Variants in UGGT1 observed in about 807,000 individuals in gnomAD.
UGGT1 encodes the protein UDP-glucose glycoprotein glucosyltransferase 1.
UGGT1 carries 107 observed loss-of-function variants against 203.9 expected under a neutral mutation model. The ratio of observed to expected loss-of-function variants is 0.52; its 90% confidence interval spans 0.45 to 0.62. The LOEUF (loss-of-function observed/expected upper bound fraction) is 0.62, where lower values mean the gene tolerates loss of function less well. Ranked by LOEUF, UGGT1 falls within the 20% of genes least tolerant of loss-of-function variation. The pLI, the probability that UGGT1 is intolerant of heterozygous loss-of-function variation, is 0.00. For missense variants in UGGT1, 1,673 were observed against 1,867.2 expected, an observed-to-expected ratio of 0.90 and a Z score of 1.92; for synonymous variants, 628 against 653.5, an observed-to-expected ratio of 0.96 and a Z score of 0.59.
At chr2:128,112,227 C>A (rs911469783) in intron 5 of UGGT1, among the ~76,000 whole-genome samples, 1 of 151,150 alleles carries the variant, frequency 6.6e-6, no homozygotes, top group African/African-American at 2.4e-5. Context: ...TTGAGACCAG[C>A]CTGGCCAACA....
chr2:128,115,938 C>G (rs1256431546), intron 7 of UGGT1, among the ~76,000 whole-genome samples: 1 of 152,028 alleles, frequency 6.6e-6, no homozygotes, highest in Non-Finnish European at 1.5e-5. Context: ...ATTCTTTGTT[C>G]ATAGTGTTTG....
At chr2:128,094,254 T>TA (rs1177098576) in intron 1 of UGGT1, among the ~76,000 whole-genome samples, 16 of 148,358 alleles carry the variant, frequency 1.1e-4, no homozygotes, top group Non-Finnish European at 1.3e-4. Flanking sequence ...CAGGCCAGAT[T>TA]AAAAAAAAAA....
In UGGT1 at chr2:128,114,056, A is replaced by G. The variant is rs184209376; in HGVS notation, c.696+798A>G. ...TATATGTAAAGGTTGTTAGCCCTTT[A>G]AAGTTTCTATGTCATAATAAGCTCA... On this transcript the variant is annotated intron_variant, in intron 6 of 40. Coordinates refer to ENST00000259253, the MANE Select transcript of UGGT1 (RefSeq NM_020120.4). 1.3e-3 allele frequency among the ~76,000 whole-genome samples: 191 copies of G among 152,288 alleles called. 6 individuals carry two copies. The highest frequency in any genetic ancestry group is 0.011 in the Admixed American group (174 of 15,286).
intron 1 of UGGT1, among the ~76,000 whole-genome samples, chr2:128,094,247 G>A (rs1234270208): frequency 6.6e-6 from 1 of 151,700 alleles, no homozygotes; most frequent in East Asian, 1.9e-4. Flanking sequence ...ATTGACTCAG[G>A]CCAGATTAAA....
At chr2:128,138,996 G>A (rs1263336909) in intron 16 of UGGT1, 144 bp downstream of exon 16, 2 of 1,055,170 alleles carry the variant, frequency 1.9e-6, no homozygotes, top group African/African-American at 1.6e-5. Context: ...CTGCTGCAGT[G>A]TATAGAGATG....
At position 128,120,461 on chromosome 2, in the gene UGGT1, T is replaced by A; in HGVS notation, c.973+5T>A. On this transcript the variant is annotated splice_donor_5th_base_variant and intron_variant, in intron 9 of 40. Transcript: ENST00000259253. Reference sequence around the variant, plus strand: ...TAAAGGTTTGGCAGTTGCAAGGTAATGAAAACAGGGAGAGGTCATTGGCCT... The same window carrying A: ...TAAAGGTTTGGCAGTTGCAAGGTAAAGAAAACAGGGAGAGGTCATTGGCCT... 1 of 1,611,050 alleles carries A rather than the reference T, an allele frequency of 6.2e-7. No individual in the cohort carries two copies. Among genetic ancestry groups the A allele is most frequent in the South Asian group, 1.1e-5 (1 of 90,914 alleles).
At chr2:128,153,016 C>T in intron 19 of UGGT1, 112 bp downstream of exon 19, 1 of 1,469,326 alleles carries the variant, frequency 6.8e-7, no homozygotes, top group South Asian at 1.3e-5. Flanking sequence ...CAGAAGATAG[C>T]CCAAGATTGT....
Position 128,109,672 on chromosome 2 carries a change from G to A in UGGT1, c.447G>A (p.Ser149=), listed in dbSNP as rs138042550. Reference sequence around the variant, plus strand: ...AACCTCCACCAGAAGGATGTAATTCGTTTTTTTCAGTGCATGGAAAGAAGA... The same window carrying A: ...AACCTCCACCAGAAGGATGTAATTCATTTTTTTCAGTGCATGGAAAGAAGA... ...ADEPPPEGCN[S]FFSVHGKKTC... is the part of the protein sequence containing the mutation. The change falls in exon 5 of 41, where the codon TCG becomes TCA. Residue 149 remains serine (S), a synonymous_variant. Transcript: ENST00000259253. 224 of 1,613,878 alleles carry A rather than the reference G, an allele frequency of 1.4e-4. No homozygotes were observed. Among genetic ancestry groups the A allele is most frequent in the Non-Finnish European group, 1.2e-4 (144 of 1,179,968 alleles).
intron 11 of UGGT1, among the ~76,000 whole-genome samples, chr2:128,126,303 T>C (rs6430994): frequency 0.9 from 136,585 of 151,756 alleles, 62,247 homozygotes; most frequent in Non-Finnish European, 0.98. Context: ...TGCAGTGGCA[T>C]GATCTAGGCT....
rs1010324575 is a variant in UGGT1 at position 128,190,663 on chromosome 2, C to G, written c.*921C>G. 1.3e-5 allele frequency: 2 copies of G among 152,358 alleles called. No individual in the cohort carries two copies. Among genetic ancestry groups the G allele is most frequent in the South Asian group, 2.1e-4 (1 of 4,812 alleles). 9.4% of individuals were successfully genotyped at this position (152,358 alleles called of 1,614,324 possible). A position where few individuals can be genotyped will look rare whatever the true frequency, so the allele number is the denominator to read the frequency against. On this transcript the variant is annotated 3_prime_UTR_variant, in exon 41 of 41. Coordinates refer to ENST00000259253, the MANE Select transcript of UGGT1 (RefSeq NM_020120.4). ...TACTCAGCCCCTCTCGCATCCAGCC[C>G]GTCAGGGTCAGGGTCAGGGTCAGGC...
intron 17 of UGGT1, among the ~76,000 whole-genome samples, chr2:128,143,967 T>C (rs1025467832): frequency 6.6e-6 from 1 of 152,320 alleles, no homozygotes; most frequent in South Asian, 2.1e-4. Context: ...CCTTTTGTTA[T>C]AGTGAAGCTA....
Position 128,145,847 on chromosome 2 carries a change from C to T in UGGT1, c.1896C>T (p.Pro632=), listed in dbSNP as rs923185514. 48 of 1,613,010 alleles carry T rather than the reference C, an allele frequency of 3.0e-5. No homozygotes were observed. The highest frequency in any genetic ancestry group is 4.0e-5 in the African/African-American group (3 of 74,984). The change falls in exon 18 of 41, where the codon CCC becomes CCT. Residue 632 remains proline (P), a synonymous_variant. Coordinates refer to ENST00000259253, the MANE Select transcript of UGGT1 (RefSeq NM_020120.4). ...YYEQTGVGPL[P]VVLFNGMPFE... Reference sequence around the variant, plus strand: ...AGCAGACTGGAGTTGGACCTCTGCCCGTTGTGCTGTTCAATGGAATGCCCT... The same window carrying T: ...AGCAGACTGGAGTTGGACCTCTGCCTGTTGTGCTGTTCAATGGAATGCCCT...
At position 128,189,875 on chromosome 2, in the gene UGGT1, A is replaced by G. The variant is rs1692169371; in HGVS notation, c.*133A>G. On this transcript the variant is annotated 3_prime_UTR_variant, in exon 41 of 41. Transcript: ENST00000259253. ...AGTGCCACACCTTTTGATTCTGAGC[A>G]TTTGATTCTGACTTCTGTACTCTGG... 1 of 983,554 alleles carries G rather than the reference A, an allele frequency of 1.0e-6. No homozygotes were observed. The highest frequency in any genetic ancestry group is 1.5e-6 in the Non-Finnish European group (1 of 654,666). The allele number at this position is 983,554 out of a possible 1,614,324, so 60.9% of individuals were successfully genotyped here.
chr2:128,104,141 A>G, intron 3 of UGGT1, 127 bp downstream of exon 3: 1 of 653,182 alleles, frequency 1.5e-6, no homozygotes, highest in Non-Finnish European at 2.5e-6. Flanking sequence ...GACTGGAGTT[A>G]TGATGGTGGT....
chr2:128,164,321 G>C (rs1022276648), intron 25 of UGGT1, among the ~76,000 whole-genome samples: 1 of 152,130 alleles, frequency 6.6e-6, no homozygotes, highest in Non-Finnish European at 1.5e-5. Context: ...ATCAGACCTT[G>C]TTACTTGATA....
At chr2:128,168,462 G>A (rs748059969) in intron 26 of UGGT1, among the ~76,000 whole-genome samples, 19 of 152,034 alleles carry the variant, frequency 1.2e-4, no homozygotes, top group African/African-American at 1.7e-4. Context: ...AGTTTTCTTC[G>A]TTATGCTGTT....
chr2:128,109,864 G>T, intron 5 of UGGT1, 118 bp downstream of exon 5: 1 of 758,924 alleles, frequency 1.3e-6, no homozygotes, highest in Non-Finnish European at 2.2e-6. Flanking sequence ...TTTAGAGTAT[G>T]GCTTCTGGAA....
intron 37 of UGGT1, among the ~76,000 whole-genome samples, chr2:128,183,416 T>C (rs545933547): frequency 6.6e-6 from 1 of 152,358 alleles, no homozygotes; most frequent in South Asian, 2.1e-4. Context: ...CCGCATATGC[T>C]AGAAATCTTT....
At chr2:128,132,715 T>G (rs1160228905) in intron 13 of UGGT1, among the ~76,000 whole-genome samples, 1 of 152,216 alleles carries the variant, frequency 6.6e-6, no homozygotes, top group Non-Finnish European at 1.5e-5. Context: ...TGTATCTTTT[T>G]TGTTTGTTTT....
Sources: allele counts gnomAD v4.1 joint callset (sites outside exome capture counted in the v4.1 genomes callset), GRCh38; gene constraint gnomAD v4.1.1; transcripts MANE v1.5; gene names NCBI Gene and HGNC (gene_info 2026-07-23, HGNC 2026-07-21).